The following ZC4H2 variants were observed in gnomAD, a reference collection of about 807,000 sequenced individuals.
ZC4H2 encodes the protein zinc finger C4H2 domain-containing protein.
For missense variants in ZC4H2, 137 were observed against 173.9 expected (o/e 0.79, Z 1.19); for synonymous variants, 84 against 66.3 (o/e 1.27, Z -1.30).
At position 64,976,439 on chromosome X, in the gene ZC4H2, T is replaced by G; in HGVS notation, c.-62A>C. The stretch of plus-strand genomic sequence containing the variant: ...CAAATACACCAGCCAAGGGATACAA[T>G]AGACACAATGTAGCCACCTCCTCCG... On this transcript the variant is annotated 5_prime_UTR_variant, in exon 1 of 5. Coordinates refer to ENST00000374839, the MANE Select transcript of ZC4H2 (RefSeq NM_018684.4). 1.8e-6 allele frequency: 2 copies of G among 1,132,345 alleles called. No homozygotes were observed. The highest frequency in any genetic ancestry group is 2.4e-6 in the Non-Finnish European group (2 of 823,976). 93.3% of individuals were successfully genotyped at this position (1,132,345 alleles called of 1,213,427 possible).
At chrX:65,024,124 G>A (rs1932858159) in intron 1 of ZC4H2, among the ~76,000 whole-genome samples, 1 of 110,318 alleles carries the variant, frequency 9.1e-6, no homozygotes, top group Non-Finnish European at 1.9e-5. Context: ...GGGGGCACTA[G>A]GGGAGGGATA....
chrX:64,950,903 C>G (rs1053647061), intron 1 of ZC4H2, among the ~76,000 whole-genome samples: 10 of 110,077 alleles, frequency 9.1e-5, no homozygotes, highest in African/African-American at 3.0e-4. Context: ...TGTGCTGCAC[C>G]CATTAACTCG....
chrX:64,946,742 G>A (rs1402483082), intron 1 of ZC4H2, among the ~76,000 whole-genome samples: 1 of 111,149 alleles, frequency 9.0e-6, no homozygotes, highest in Non-Finnish European at 1.9e-5. Context: ...TCAGGAGTGG[G>A]ATTTCACAGC....
At chrX:64,982,943 T>A (rs2147268641) in intron 1 of ZC4H2, among the ~76,000 whole-genome samples, 1 of 112,603 alleles carries the variant, frequency 8.9e-6, no homozygotes, top group Admixed American at 9.4e-5. Flanking sequence ...CTTATGCCTA[T>A]GAATGAAACA....
intron 1 of ZC4H2, among the ~76,000 whole-genome samples, chrX:64,975,393 G>A (rs768764999): frequency 7.8e-4 from 87 of 111,531 alleles, no homozygotes; most frequent in African/African-American, 2.8e-3. Flanking sequence ...CATGATCAAA[G>A]TCTTATTTCT....
intron 1 of ZC4H2, among the ~76,000 whole-genome samples, chrX:65,025,263 C>T: frequency 9.3e-6 from 1 of 107,999 alleles, no homozygotes; most frequent in Non-Finnish European, 1.9e-5. Context: ...ATCCTCCCAC[C>T]ACAGCCTCCC....
At chrX:64,926,939 T>C (rs775969140) in intron 1 of ZC4H2, among the ~76,000 whole-genome samples, 1 of 111,738 alleles carries the variant, frequency 8.9e-6, no homozygotes, top group South Asian at 3.8e-4. Context: ...CTATATACAC[T>C]GAGGGACAAC....
At chrX:64,979,233 C>T (rs1401900053), upstream of ZC4H2, among the ~76,000 whole-genome samples, 2 of 111,815 alleles carry the variant, frequency 1.8e-5, no homozygotes, top group African/African-American at 6.5e-5. Flanking sequence ...CTGTATCAAG[C>T]TGCTGCTGCT....
intron 1 of ZC4H2, among the ~76,000 whole-genome samples, chrX:65,002,093 T>G (rs1203879343): frequency 6.3e-5 from 7 of 111,705 alleles, no homozygotes; most frequent in African/African-American, 2.3e-4. Flanking sequence ...CAAGTGGAAC[T>G]AATAGACATC....
chrX:64,975,292 C>A (rs1387610757), intron 1 of ZC4H2, among the ~76,000 whole-genome samples: 1 of 111,277 alleles, frequency 9.0e-6, no homozygotes, highest in African/African-American at 3.3e-5. Context: ...AGAGATGCAA[C>A]CCCTCAAGAA....
intron 1 of ZC4H2, among the ~76,000 whole-genome samples, chrX:64,991,032 A>G (rs901215855): frequency 8.9e-6 from 1 of 111,973 alleles, no homozygotes; most frequent in Non-Finnish European, 1.9e-5. Flanking sequence ...CTAGTATTCA[A>G]TGTAGGCTTA....
At position 64,918,431 on chromosome X, in the gene ZC4H2, G is replaced by A. The variant is rs559844623; in HGVS notation, c.562-535C>T. 7 of 113,856 alleles carry A rather than the reference G, an allele frequency of 6.1e-5. No individual in the cohort carries two copies. The East Asian group carries it at 8.5e-4, about 14-fold the overall frequency. The allele number at this position is 113,856 out of a possible 1,213,427, so 9.4% of individuals were successfully genotyped here. On this transcript the variant is annotated intron_variant, in intron 4 of 4. Coordinates refer to ENST00000374839, the MANE Select transcript of ZC4H2 (RefSeq NM_018684.4). ...GGGAACAGATTAGATTTGACCTGTA[G>A]GCTGTAATTTGATGACCCCTGCTCT... is the stretch of plus-strand genomic sequence containing the variant.
Position 64,917,646 on chromosome X carries a change from G to T in ZC4H2, c.*137C>A. The T allele has an allele frequency of 1.1e-6, 1 of 914,276 alleles. No individual in the cohort carries two copies. Among genetic ancestry groups the T allele is most frequent in the Non-Finnish European group, 1.5e-6 (1 of 672,441 alleles). The allele number at this position is 914,276 out of a possible 1,213,427, so 75.3% of individuals were successfully genotyped here. ...GCAGAAAGAAATAGGAGCAAAGTGA[G>T]AGAGGGGTTGTGCTTCCATCACATT... On this transcript the variant is annotated 3_prime_UTR_variant, in exon 5 of 5. Transcript: ENST00000374839.
At chrX:64,960,312 A>AT (rs200355569) in intron 1 of ZC4H2, among the ~76,000 whole-genome samples, 13 of 109,322 alleles carry the variant, frequency 1.2e-4, no homozygotes, top group African/African-American at 2.7e-4. Flanking sequence ...CACCGTTTTA[A>AT]TTTTTTTTTA....
chrX:64,973,019 G>C (rs1203178607), intron 1 of ZC4H2, among the ~76,000 whole-genome samples: 2 of 111,474 alleles, frequency 1.8e-5, no homozygotes, highest in Non-Finnish European at 3.8e-5. Context: ...TTGGTAGATT[G>C]ACTATTTTTC....
chrX:64,950,710 C>T (rs1225436669), intron 1 of ZC4H2, among the ~76,000 whole-genome samples: 1 of 110,917 alleles, frequency 9.0e-6, no homozygotes, highest in African/African-American at 3.3e-5. Context: ...GTAGATCTTC[C>T]TCCATCCCTT....
At chrX:64,995,623 G>A (rs1932398522) in intron 1 of ZC4H2, among the ~76,000 whole-genome samples, 1 of 112,519 alleles carries the variant, frequency 8.9e-6, no homozygotes, top group African/African-American at 3.2e-5. Context: ...GCCTCCCAAA[G>A]TGCTGGGATT....
chrX:64,997,158 A>G (rs1287471179), intron 1 of ZC4H2, among the ~76,000 whole-genome samples: 2 of 112,327 alleles, frequency 1.8e-5, no homozygotes, highest in Admixed American at 9.4e-5. Context: ...GCTGATTCTC[A>G]TCAGAAACCA....
chrX:65,009,571 T>C (rs1221628350), intron 1 of ZC4H2, among the ~76,000 whole-genome samples: 3 of 112,004 alleles, frequency 2.7e-5, no homozygotes, highest in Non-Finnish European at 3.8e-5. Flanking sequence ...ATTCAGAGCA[T>C]AGAAGGTTTG....
Sources: allele counts gnomAD v4.1 joint callset (sites outside exome capture counted in the v4.1 genomes callset), GRCh38; gene constraint gnomAD v4.1.1; transcripts MANE v1.5; gene names NCBI Gene and HGNC (gene_info 2026-07-23, HGNC 2026-07-21).